Variants in PARD3B observed in about 807,000 individuals in gnomAD.
PARD3B encodes partitioning defective 3 homolog B.
Under a neutral mutation model 130.2 loss-of-function variants are expected in PARD3B, and 103 were observed. The ratio of observed to expected loss-of-function variants is 0.79; its 90% CI spans 0.67 to 0.93. The LOEUF (loss-of-function observed/expected upper bound fraction) is 0.93. PARD3B is among the 40% of genes least tolerant of loss of function. The pLI is 0.00. For synonymous variants in PARD3B, 583 were observed against 553.2 expected (o/e 1.05, Z -0.76); for missense variants, 1,609 against 1,499.2 (o/e 1.07, Z -1.21).
chr2:205,496,934 G>A (rs1021567974), intron 20 of PARD3B, among the ~76,000 whole-genome samples: 1 of 151,724 alleles, frequency 6.6e-6, no homozygotes, highest in African/African-American at 2.4e-5. Context: ...AACTCATCTG[G>A]TGAGTTTGAA....
At position 205,088,322 on chromosome 2, in the gene PARD3B, T is replaced by C. The variant is rs77006908; in HGVS notation, c.505-16104T>C. On this transcript the variant is annotated intron_variant, in intron 4 of 22. Transcript: ENST00000406610. ...GCATAAATAAGGAAATAAATTAAGA[T>C]AAGACTAGATCTAGATGCATGAGCA... Among the ~76,000 whole-genome samples, 17 of 152,264 alleles carry C rather than the reference T, an allele frequency of 1.1e-4. No homozygotes were observed. In the East Asian group the frequency reaches 3.1e-3, roughly 28 times the overall value.
intron 3 of PARD3B, among the ~76,000 whole-genome samples, chr2:205,023,652 A>G (rs1439586033): frequency 6.7e-6 from 1 of 149,342 alleles, no homozygotes; most frequent in Non-Finnish European, 1.5e-5. Flanking sequence ...CTCCCAATTC[A>G]ATACTGCAGC....
At position 205,499,900 on chromosome 2, in the gene PARD3B, C is replaced by T. The variant is rs554253375; in HGVS notation, c.3049C>T (p.Arg1017Cys). The T allele has an allele frequency of 4.3e-6, 7 of 1,613,300 alleles. No individual in the cohort carries two copies. Among genetic ancestry groups the T allele is most frequent in the South Asian group, 3.3e-5 (3 of 91,016 alleles). The change falls in exon 21 of 23, where the codon CGT becomes TGT. Residue 1017 changes from arginine to cysteine, a missense_variant. Transcript: ENST00000406610. ...TTATTTGTCTATATCCTGTAGTGGC[C>T]GTCCTACGGGTGGAAGCACTGACCG... is the stretch of plus-strand genomic sequence containing the variant. ...YHPLVPADSG[R>C]PTGGSTDRIQ... is the part of the protein sequence containing the mutation.
At chr2:204,550,099 A>C (rs1162937702) in intron 1 of PARD3B, among the ~76,000 whole-genome samples, 3 of 152,194 alleles carry the variant, frequency 2.0e-5, no homozygotes, top group African/African-American at 7.2e-5. Context: ...CTTAGTATCC[A>C]TAGGGGATTG....
chr2:205,467,015 G>A (rs2048650255), intron 20 of PARD3B, among the ~76,000 whole-genome samples: 1 of 152,178 alleles, frequency 6.6e-6, no homozygotes, highest in African/African-American at 2.4e-5. Flanking sequence ...GCCCAACCAG[G>A]CTTGGTATTA....
intron 2 of PARD3B, among the ~76,000 whole-genome samples, chr2:204,885,781 G>A (rs1416153150): frequency 6.6e-6 from 1 of 152,122 alleles, no homozygotes; most frequent in South Asian, 2.1e-4. Flanking sequence ...AAAGTTAAAT[G>A]GTGATAACCC....
chr2:204,683,007 T>A (rs2036910535), intron 1 of PARD3B, among the ~76,000 whole-genome samples: 1 of 152,212 alleles, frequency 6.6e-6, no homozygotes, highest in Admixed American at 6.5e-5. Flanking sequence ...TAAAAATAAC[T>A]CTTCTTCCTG....
intron 15 of PARD3B, 45 bp downstream of exon 15, chr2:205,193,365 G>C: frequency 7.1e-7 from 1 of 1,405,538 alleles, no homozygotes; most frequent in South Asian, 1.2e-5. Flanking sequence ...TCCAGCCTCA[G>C]CCCATTTATC....
rs755576467 is a variant in PARD3B at position 205,146,466 on chromosome 2, G to A, written c.1435-12256G>A. On this transcript the variant is annotated intron_variant, in intron 10 of 22. Transcript: ENST00000406610. The surrounding 1 kb of genome is among the most constrained non-coding windows in gnomAD (Gnocchi z 4.3). ...AGATCGAGACCATCCTGGCTAACAC[G>A]GCAAAACCCCGTCTCTACTAAAAAT... Among the ~76,000 whole-genome samples the A allele has an allele frequency of 9.9e-5, 15 of 151,836 alleles. No individual in the cohort carries two copies. Among genetic ancestry groups the A allele is most frequent in the Non-Finnish European group, 2.2e-4 (15 of 67,988 alleles).
chr2:205,198,936 A>T (rs113081505), intron 15 of PARD3B, among the ~76,000 whole-genome samples: 47 of 152,146 alleles, frequency 3.1e-4, no homozygotes, highest in African/African-American at 1.0e-3. Context: ...TATAGTTAAA[A>T]GCTGAATTGG....
At chr2:205,436,252 A>C (rs1350143223) in intron 19 of PARD3B, among the ~76,000 whole-genome samples, 1 of 152,198 alleles carries the variant, frequency 6.6e-6, no homozygotes, top group African/African-American at 2.4e-5. Context: ...GTATATCAAC[A>C]CATGAATTTT....
intron 2 of PARD3B, among the ~76,000 whole-genome samples, chr2:204,866,379 ATAGT>A (rs2045415115): frequency 6.6e-6 from 1 of 152,172 alleles, no homozygotes; most frequent in African/African-American, 2.4e-5. Context: ...GGATTGGTAC[ATAGT>A]TAGTACTTAA....
At chr2:204,902,409 C>T (rs571481749) in intron 2 of PARD3B, among the ~76,000 whole-genome samples, 2 of 152,138 alleles carry the variant, frequency 1.3e-5, no homozygotes, top group East Asian at 3.9e-4. Context: ...GTGGCTCAGG[C>T]CTGTTATCCC....
In PARD3B at chr2:205,525,560, GTA is replaced by G. The variant is rs1460832284; in HGVS notation, c.3180+25531_3180+25532del. Among the ~76,000 whole-genome samples the G allele has an allele frequency of 6.6e-6, 1 of 152,134 alleles. No homozygotes were observed. The highest frequency in any genetic ancestry group is 2.4e-5 in the African/African-American group (1 of 41,414). On this transcript the variant is annotated intron_variant, in intron 21 of 22. Coordinates refer to ENST00000406610, the MANE Select transcript of PARD3B (RefSeq NM_001302769.2). The surrounding 1 kb of genome is among the most constrained non-coding windows in gnomAD (Gnocchi z 4.2). ...CAAAGTTCCTGCTATAAACATAGGG[GTA>G]TTGGTTGCATGACTTTATTAGCTCC...
chr2:205,111,186 A>C (rs544684644), intron 5 of PARD3B, among the ~76,000 whole-genome samples: 2 of 152,224 alleles, frequency 1.3e-5, no homozygotes, highest in South Asian at 4.1e-4. Context: ...CTAACTTTCT[A>C]TAAGTGCTTA....
At chr2:204,551,285 G>A (rs913246721) in intron 1 of PARD3B, among the ~76,000 whole-genome samples, 6 of 152,292 alleles carry the variant, frequency 3.9e-5, no homozygotes, top group East Asian at 1.9e-4. Context: ...AAAGCAAATT[G>A]GAAGCTCTGA....
At position 205,425,191 on chromosome 2, in the gene PARD3B, C is replaced by T. The variant is rs544390059; in HGVS notation, c.2742-15179C>T. On this transcript the variant is annotated intron_variant, in intron 19 of 22. Transcript: ENST00000406610. ...AGTTGTTATCAGAGAATATCATAAG[C>T]ACTCTGTAGGTTGTTCCCCGTCACA... 1.1e-4 allele frequency among the ~76,000 whole-genome samples: 16 copies of T among 152,252 alleles called. 1 individual carries two copies. In the East Asian group the frequency reaches 2.9e-3, roughly 28 times the overall value.
intron 21 of PARD3B, among the ~76,000 whole-genome samples, chr2:205,516,838 G>C (rs573544800): frequency 6.6e-6 from 1 of 152,058 alleles, no homozygotes; most frequent in African/African-American, 2.4e-5. Context: ...TTCTTGTCTT[G>C]TGACAGATTT....
chr2:204,762,019 T>C (rs2040921582), intron 2 of PARD3B, among the ~76,000 whole-genome samples: 1 of 152,054 alleles, frequency 6.6e-6, no homozygotes, highest in South Asian at 2.1e-4. Context: ...AAAATGTCTC[T>C]TCTTGCCATT....
Sources: gnomAD v4.1 joint callset for allele counts (sites outside exome capture counted in the v4.1 genomes callset) on GRCh38, gnomAD v4.1.1 for gene constraint, Gnocchi (gnomAD v3.1) non-coding constraint, MANE v1.5 for transcripts, NCBI Gene and HGNC (gene_info 2026-07-23, HGNC 2026-07-21) for gene names.